The following TMC1 variants were observed in gnomAD, a reference collection of about 807,000 sequenced individuals.
TMC1 encodes transmembrane channel-like protein 1.
A neutral mutation model predicts 105.8 loss-of-function variants in TMC1; 84 were observed. The observed-to-expected ratio is 0.79, with a 90% confidence interval of 0.67 to 0.95. The LOEUF (loss-of-function observed/expected upper bound fraction) is 0.95. Among genes scored for constraint, TMC1 ranks in the 40% least tolerant of loss-of-function variants. TMC1 has a pLI of 0.00. For synonymous variants in TMC1, 315 were observed against 311.5 expected (o/e 1.01, Z -0.12); for missense variants, 817 against 914.1 (o/e 0.89, Z 1.37).
chr9:72,716,193 G>A (rs1826915828), intron 8 of TMC1, among the ~76,000 whole-genome samples: 1 of 152,254 alleles, frequency 6.6e-6, no homozygotes. Flanking sequence ...TGAGGTGTCT[G>A]TCAGCCCCTA....
At chr9:72,761,769 A>G (rs896000194) in intron 12 of TMC1, among the ~76,000 whole-genome samples, 4 of 152,212 alleles carry the variant, frequency 2.6e-5, no homozygotes, top group Non-Finnish European at 4.4e-5. Context: ...TTCAGTAATA[A>G]TGTTCCAAAG....
chr9:72,565,815 G>A (rs938819077), intron 1 of TMC1, among the ~76,000 whole-genome samples: 12 of 152,122 alleles, frequency 7.9e-5, no homozygotes, highest in Admixed American at 7.2e-4. Context: ...CGGATCTCAC[G>A]AGACTTATTC....
intron 10 of TMC1, among the ~76,000 whole-genome samples, chr9:72,749,868 G>A (rs1038090170): frequency 6.6e-6 from 1 of 152,106 alleles, no homozygotes; most frequent in African/African-American, 2.4e-5. Flanking sequence ...CAGCACTTTG[G>A]GAGGCTGAGG....
chr9:72,800,509 G>C (rs1237164611), intron 17 of TMC1, among the ~76,000 whole-genome samples: 2 of 152,160 alleles, frequency 1.3e-5, no homozygotes, highest in South Asian at 4.1e-4. Flanking sequence ...ATAGGAATGC[G>C]AATGCAATCT....
chr9:72,828,420 A>AAC (rs35308376), intron 21 of TMC1, among the ~76,000 whole-genome samples: 8,523 of 149,858 alleles, frequency 0.057, 252 homozygotes, highest in South Asian at 0.091. Context: ...TGTTGTTTAA[A>AAC]ACACACACAC....
At chr9:72,535,328 G>A (rs1048809967) in intron 1 of TMC1, among the ~76,000 whole-genome samples, 6 of 152,274 alleles carry the variant, frequency 3.9e-5, no homozygotes, top group Admixed American at 2.0e-4. Context: ...GATTTCTCCC[G>A]AAAACTTGTA....
At chr9:72,540,676 C>T (rs12555678) in intron 1 of TMC1, among the ~76,000 whole-genome samples, 79,591 of 151,878 alleles carry the variant, frequency 0.52, 21,799 homozygotes, top group African/African-American at 0.69. Context: ...TTCCCAGAAC[C>T]TTGCTGTGGT....
intron 13 of TMC1, among the ~76,000 whole-genome samples, chr9:72,777,407 A>T (rs1828023335): frequency 6.6e-6 from 1 of 152,168 alleles, no homozygotes; most frequent in African/African-American, 2.4e-5. Context: ...CTTCTCAGAG[A>T]TATTTTCATT....
In TMC1 at chr9:72,682,148, AT is replaced by A. The variant is rs545681134; in HGVS notation, c.17-6560del. 4.9e-4 allele frequency among the ~76,000 whole-genome samples: 75 copies of A among 152,304 alleles called. 2 individuals are homozygous for A. In the South Asian group the frequency reaches 0.015, roughly 31 times the overall value. On this transcript the variant is annotated intron_variant, in intron 5 of 23. Coordinates refer to ENST00000297784, the MANE Select transcript of TMC1 (RefSeq NM_138691.3). ...AACTATTTAGTATCTCCAAGATATTATAATGTTTGAAAATATGACCAGTTTT... is the reference window on the plus strand; with the variant it reads ...AACTATTTAGTATCTCCAAGATATTAAATGTTTGAAAATATGACCAGTTTT...
At chr9:72,704,634 T>C (rs1826703245) in intron 8 of TMC1, among the ~76,000 whole-genome samples, 1 of 152,306 alleles carries the variant, frequency 6.6e-6, no homozygotes, top group Non-Finnish European at 1.5e-5. Flanking sequence ...ATTGGCTCTA[T>C]ACAGCTGAAA....
At chr9:72,811,954 T>C (rs1588095861) in intron 18 of TMC1, among the ~76,000 whole-genome samples, 1 of 152,230 alleles carries the variant, frequency 6.6e-6, no homozygotes, top group East Asian at 1.9e-4. Flanking sequence ...TTATTGTTCC[T>C]ACTTTACAGT....
chr9:72,554,488 T>G (rs976852216), intron 1 of TMC1, among the ~76,000 whole-genome samples: 1 of 152,192 alleles, frequency 6.6e-6, no homozygotes, highest in African/African-American at 2.4e-5. Context: ...AAACTATGTG[T>G]TTTTTTCTTG....
chr9:72,769,639 G>A (rs962969880), intron 12 of TMC1, among the ~76,000 whole-genome samples: 2 of 152,174 alleles, frequency 1.3e-5, no homozygotes, highest in African/African-American at 4.8e-5. Context: ...TTGGAGATAC[G>A]ATTACCCTAG....
chr9:72,620,112 C>CG (rs1825219622), intron 3 of TMC1, among the ~76,000 whole-genome samples: 3 of 152,102 alleles, frequency 2.0e-5, no homozygotes, highest in African/African-American at 7.2e-5. Flanking sequence ...GGATTACAGG[C>CG]GGGAGCCACT....
At chr9:72,560,497 C>CTTTTCT (rs774128791) in intron 1 of TMC1, among the ~76,000 whole-genome samples, 47 of 151,864 alleles carry the variant, frequency 3.1e-4, no homozygotes, top group Non-Finnish European at 6.5e-4. Context: ...TGTCATTTTC[C>CTTTTCT]TTTTCTTTTT....
At chr9:72,603,665 G>A (rs560483146) in intron 2 of TMC1, among the ~76,000 whole-genome samples, 256 of 151,518 alleles carry the variant, frequency 1.7e-3, no homozygotes, top group African/African-American at 5.7e-3. Flanking sequence ...TTCTCCTGCC[G>A]CAGCCTGCTG....
At chr9:72,672,293 TTGAG>T (rs34460056) in intron 5 of TMC1, among the ~76,000 whole-genome samples, 34,893 of 151,860 alleles carry the variant, frequency 0.23, 4,239 homozygotes, top group East Asian at 0.38. Flanking sequence ...CTTTTAAAAT[TTGAG>T]TGATGTACAG....
At chr9:72,618,022 CT>C (rs34497983) in intron 3 of TMC1, among the ~76,000 whole-genome samples, 7,507 of 79,130 alleles carry the variant, frequency 0.095, 288 homozygotes, top group African/African-American at 0.16. Context: ...CTGGGTACAT[CT>C]TTTTTTTTTT....
intron 1 of TMC1, among the ~76,000 whole-genome samples, chr9:72,564,316 GCAAA>G (rs1015116162): frequency 9.2e-5 from 14 of 152,248 alleles, no homozygotes; most frequent in Admixed American, 9.2e-4. Flanking sequence ...TATCCTGAGA[GCAAA>G]CAAACTTTAT....
Sources: allele counts gnomAD v4.1 joint callset (sites outside exome capture counted in the v4.1 genomes callset), GRCh38; gene constraint gnomAD v4.1.1; transcripts MANE v1.5; gene names NCBI Gene and HGNC (gene_info 2026-07-23, HGNC 2026-07-21).